PHKA1: variants seen among roughly 807,000 people sequenced by gnomAD.
The protein encoded by PHKA1 is phosphorylase b kinase regulatory subunit alpha, skeletal muscle isoform.
A neutral mutation model predicts 110.2 loss-of-function variants in PHKA1; 60 were observed. The observed-to-expected ratio is 0.54, with a 90% CI of 0.44 to 0.68. The LOEUF is 0.68. Among genes scored for constraint, PHKA1 ranks in the 30% least tolerant of loss-of-function variants. The pLI is 0.00. For synonymous variants in PHKA1, 316 were observed against 333.6 expected, an observed-to-expected ratio of 0.95 and a Z score of 0.58; for missense variants, 801 against 942.5, an observed-to-expected ratio of 0.85 and a Z score of 1.97.
intron 19 of PHKA1, among the ~76,000 whole-genome samples, chrX:72,620,432 A>G (rs2052959779): frequency 8.9e-6 from 1 of 111,959 alleles, no homozygotes; most frequent in Non-Finnish European, 1.9e-5. Context: ...CCTTTCTACC[A>G]TTTCAAACTT....
At chrX:72,604,249 A>G (rs1365621310) in intron 25 of PHKA1, among the ~76,000 whole-genome samples, 3 of 111,134 alleles carry the variant, frequency 2.7e-5, no homozygotes, top group Non-Finnish European at 5.7e-5. Flanking sequence ...CTCAAATTCC[A>G]CTATTTACTA....
intron 4 of PHKA1, among the ~76,000 whole-genome samples, chrX:72,689,580 A>G (rs2054008653): frequency 8.9e-6 from 1 of 112,229 alleles, no homozygotes; most frequent in Non-Finnish European, 1.9e-5. Context: ...TCCATTGTGC[A>G]GATGTATCAT....
chrX:72,647,115 G>A (rs782058554), intron 13 of PHKA1, among the ~76,000 whole-genome samples: 4 of 107,112 alleles, frequency 3.7e-5, no homozygotes, highest in African/African-American at 1.4e-4. Context: ...CTAGGCGACA[G>A]AGTGACTCCA....
chrX:72,664,380 A>G (rs1556305597), intron 8 of PHKA1, among the ~76,000 whole-genome samples: 1 of 111,949 alleles, frequency 8.9e-6, no homozygotes, highest in African/African-American at 3.2e-5. Flanking sequence ...AGAGGTTATA[A>G]TAATTGTAAA....
intron 6 of PHKA1, among the ~76,000 whole-genome samples, 185 bp from the exon 7 acceptor site, chrX:72,667,658 C>A (rs1556307032): frequency 8.9e-6 from 1 of 111,975 alleles, no homozygotes; most frequent in Admixed American, 9.5e-5. Context: ...CCCATATTGT[C>A]TCAGAGAAAG....
intron 8 of PHKA1, among the ~76,000 whole-genome samples, chrX:72,659,577 A>G (rs781782786): frequency 2.7e-5 from 3 of 111,600 alleles, no homozygotes; most frequent in South Asian, 7.7e-4. Flanking sequence ...ACCTTCTCCA[A>G]TCCAACATCA....
chrX:72,675,900 A>C (rs1203841690), intron 6 of PHKA1, among the ~76,000 whole-genome samples, 170 bp downstream of exon 6: 1 of 110,953 alleles, frequency 9.0e-6, no homozygotes, highest in East Asian at 2.8e-4. Flanking sequence ...CAGCTTATGA[A>C]AGTTTTCATC....
intron 7 of PHKA1, 44 bp downstream of exon 7, chrX:72,667,331 G>A (rs1556306831): frequency 1.0e-6 from 1 of 974,585 alleles, no homozygotes; most frequent in Non-Finnish European, 1.5e-6. Context: ...TCTGAGTCTG[G>A]GCAAGAATAA....
intron 17 of PHKA1, among the ~76,000 whole-genome samples, chrX:72,625,331 A>G (rs1024083909): frequency 9.0e-6 from 1 of 111,534 alleles, no homozygotes; most frequent in African/African-American, 3.3e-5. Flanking sequence ...TTTAGTTCCC[A>G]CTTATAAGAG....
At chrX:72,627,874 A>G (rs1380666354) in intron 16 of PHKA1, among the ~76,000 whole-genome samples, 1 of 100,449 alleles carries the variant, frequency 1.0e-5, no homozygotes, top group Non-Finnish European at 2.0e-5. Context: ...CTGGGGTGCA[A>G]TGGCTTGATC....
chrX:72,630,083 A>G (rs782782429), intron 16 of PHKA1, among the ~76,000 whole-genome samples: 28 of 111,455 alleles, frequency 2.5e-4, no homozygotes, highest in Non-Finnish European at 4.3e-4. Flanking sequence ...CCCCGTCTCT[A>G]CTAAAAAAAA....
intron 1 of PHKA1, among the ~76,000 whole-genome samples, chrX:72,713,246 C>CT (rs1216165448): frequency 5.5e-5 from 6 of 109,633 alleles, no homozygotes; most frequent in South Asian, 3.9e-4. Context: ...TCACAGCTAC[C>CT]TTTTTTTTTG....
At chrX:72,704,024 G>A (rs1213012510) in intron 3 of PHKA1, among the ~76,000 whole-genome samples, 5 of 112,094 alleles carry the variant, frequency 4.5e-5, no homozygotes, top group South Asian at 3.7e-4. Flanking sequence ...TAAAAAATTC[G>A]CAATGCATAT....
chrX:72,608,921 C>G (rs1178758542), intron 23 of PHKA1, among the ~76,000 whole-genome samples: 1 of 112,161 alleles, frequency 8.9e-6, no homozygotes, highest in Admixed American at 9.4e-5. Flanking sequence ...AAGTTAGAAT[C>G]TCTCTAAAAA....
rs141928587 is a variant in PHKA1 at position 72,706,224 on chromosome X, G to A, written c.238-979C>T. Among the ~76,000 whole-genome samples, 762 of 111,902 alleles carry A rather than the reference G, an allele frequency of 6.8e-3. 7 individuals carry two copies. Among genetic ancestry groups the A allele is most frequent in the African/African-American group, 0.023 (695 of 30,875 alleles). ...AAATAAGAATAAAAATGGTTTCTGT[G>A]GGAGAGTCCCCTTTCTTAAGTCATT... On this transcript the variant is annotated intron_variant, in intron 2 of 31. Coordinates refer to ENST00000373542, the MANE Select transcript of PHKA1 (RefSeq NM_002637.4).
chrX:72,669,636 T>C (rs1304789500), intron 6 of PHKA1, among the ~76,000 whole-genome samples: 5 of 103,678 alleles, frequency 4.8e-5, no homozygotes, highest in African/African-American at 1.8e-4. Flanking sequence ...CGGTGTTTGG[T>C]TTTTTGTCTC....
chrX:72,695,651 A>G (rs781917682), intron 4 of PHKA1, 57 bp downstream of exon 4: 1 of 1,122,481 alleles, frequency 8.9e-7, no homozygotes, highest in Non-Finnish European at 1.2e-6. Context: ...AAGAATATTA[A>G]TTAGTACCCC....
At chrX:72,688,704 T>C (rs1388830824) in intron 4 of PHKA1, among the ~76,000 whole-genome samples, 2 of 112,415 alleles carry the variant, frequency 1.8e-5, no homozygotes, top group Non-Finnish European at 3.7e-5. Context: ...ACTTATTTTT[T>C]TACTCTGTAT....
chrX:72,662,239 C>T (rs73500357), intron 8 of PHKA1, among the ~76,000 whole-genome samples: 2,653 of 111,708 alleles, frequency 0.024, 70 homozygotes, highest in African/African-American at 0.082. Flanking sequence ...AGTACAGTGC[C>T]ATCTTGAAAC....
Sources: allele counts gnomAD v4.1 joint callset (sites outside exome capture counted in the v4.1 genomes callset), GRCh38; gene constraint gnomAD v4.1.1; transcripts MANE v1.5; gene names NCBI Gene and HGNC (gene_info 2026-07-23, HGNC 2026-07-21).